Variants in MZT2A observed in about 807,000 individuals in gnomAD.
MZT2A encodes mitotic spindle organizing protein 2A.
Under a neutral mutation model 12.4 loss-of-function variants are expected in MZT2A, and 8 were observed. The observed-to-expected ratio is 0.64, with a 90% CI of 0.38 to 1.16. The LOEUF (loss-of-function observed/expected upper bound fraction) is 1.16, where lower values mean the gene tolerates loss of function less well. Ranked by LOEUF, MZT2A falls within the 50% of genes most tolerant of loss-of-function variation. The probability of loss-of-function intolerance (pLI) is 0.01; values close to 1 mark genes in which losing one functional copy is unlikely to be tolerated. For missense variants in MZT2A, 181 were observed against 223.6 expected (o/e 0.81, Z 1.22); for synonymous variants, 88 against 107.5 (o/e 0.82, Z 1.12).
intron 2 of MZT2A, among the ~76,000 whole-genome samples, chr2:131,484,499 A>G (rs1362407043): frequency 6.6e-6 from 1 of 152,258 alleles, no homozygotes; most frequent in African/African-American, 2.4e-5. Context: ...GAAAGGACAC[A>G]TGCCACGGGC....
chr2:131,491,327 G>A lies in MZT2A; in HGVS notation c.319+549C>T, dbSNP rs1573877395. On this transcript the variant is annotated intron_variant, in intron 2 of 2. Transcript: ENST00000309451. ...TAACTCTCTTCCTGCAATCATCAGAGGCAGGAACTGGGCCCAGGTGGGGTA... is the reference window on the plus strand; with the variant it reads ...TAACTCTCTTCCTGCAATCATCAGAAGCAGGAACTGGGCCCAGGTGGGGTA... 2 of 284,862 alleles carry A rather than the reference G, an allele frequency of 7.0e-6. 1 individual carries two copies. The allele number at this position is 284,862 out of a possible 1,614,324, so 17.6% of individuals were successfully genotyped here.
upstream of MZT2A, chr2:131,493,269 G>A (rs1272149738): frequency 5.2e-6 from 7 of 1,334,644 alleles, no homozygotes; most frequent in African/African-American, 9.3e-5. Flanking sequence ...TGCCCAGGCC[G>A]GGCAGGCTGG....
At chr2:131,474,720 C>T (rs1314769884) in intron 2 of MZT2A, among the ~76,000 whole-genome samples, 1 of 150,860 alleles carries the variant, frequency 6.6e-6, no homozygotes, top group Admixed American at 6.6e-5. Context: ...CAATAAATAG[C>T]TTACGTTATT....
At chr2:131,492,887 A>C, upstream of MZT2A, 1 of 1,503,608 alleles carries the variant, frequency 6.7e-7, no homozygotes, top group Non-Finnish European at 8.9e-7. Flanking sequence ...AGGCCGCCAC[A>C]ACGCAGGCGC....
Position 131,472,076 on chromosome 2 carries a change from T to G in MZT2A, c.387A>C (p.Thr129=), listed in dbSNP as rs188341302. The change falls in exon 3 of 5, where the codon ACA becomes ACC. Residue 129 remains threonine (T), a synonymous_variant and NMD_transcript_variant. Transcript: ENST00000427024. ...AGAACCGAACTGCCTACCTTGTGCA[T>G]GTCCTCCTTCTCCTGCCACACCATG... The G allele has an allele frequency of 8.7e-4, 1,126 of 1,290,152 alleles. 12 individuals carry two copies. The African/African-American group carries it at 0.016, about 18-fold the overall frequency. The allele number at this position is 1,290,152 out of a possible 1,614,324, so 79.9% of individuals were successfully genotyped here. A position where few individuals can be genotyped will look rare whatever the true frequency, so the allele number is the denominator to read the frequency against.
At chr2:131,482,548 G>A (rs1559352091), downstream of MZT2A, 2 of 1,598,684 alleles carry the variant, frequency 1.3e-6, no homozygotes, top group Non-Finnish European at 1.7e-6. Flanking sequence ...CCCTTCTCTG[G>A]CAGGTGGGCA....
intron 2 of MZT2A, among the ~76,000 whole-genome samples, chr2:131,475,231 A>G (rs149054661): frequency 0.17 from 25,823 of 150,684 alleles, 4,026 homozygotes; most frequent in African/African-American, 0.42. Flanking sequence ...TCCTCCTGCC[A>G]TGGCCTCCCA....
chr2:131,476,340 G>T, intron 2 of MZT2A: 1 of 1,465,116 alleles, frequency 6.8e-7, no homozygotes, highest in Non-Finnish European at 9.2e-7. Context: ...GGGACAGGAG[G>T]ACACGGGATC....
At chr2:131,479,540 C>T (rs1238430356), downstream of MZT2A, 2 of 1,579,162 alleles carry the variant, frequency 1.3e-6, no homozygotes, top group African/African-American at 1.4e-5. Context: ...ATTTTATCAA[C>T]ACTTAGACCA....
At chr2:131,493,052 C>G (rs925532425), upstream of MZT2A, 11 of 1,491,408 alleles carry the variant, frequency 7.4e-6, no homozygotes, top group Admixed American at 2.3e-4. Flanking sequence ...CGGGGCGTGG[C>G]TCTGCGCGCA....
chr2:131,480,916 T>G (rs555606320), downstream of MZT2A, among the ~76,000 whole-genome samples: 17 of 152,152 alleles, frequency 1.1e-4, no homozygotes, highest in South Asian at 8.3e-4. Flanking sequence ...ATTTCTTTTT[T>G]TTTTTTTGAG....
chr2:131,478,348 C>T (rs758405266), intron 2 of MZT2A: 24 of 1,613,920 alleles, frequency 1.5e-5, no homozygotes, highest in Non-Finnish European at 2.0e-5. Flanking sequence ...AAGCACGTGC[C>T]CAGAGCAGTG....
At chr2:131,481,256 T>C (rs1359544235), downstream of MZT2A, among the ~76,000 whole-genome samples, 2 of 151,652 alleles carry the variant, frequency 1.3e-5, no homozygotes, top group Non-Finnish European at 2.9e-5. Context: ...ATATCTGTGG[T>C]GAGCTTTATT....
chr2:131,492,226 T>C lies in MZT2A; in HGVS notation c.151A>G (p.Ile51Val), dbSNP rs1679352804. The C allele has an allele frequency of 1.9e-6, 3 of 1,582,760 alleles. No individual in the cohort carries two copies. Among genetic ancestry groups the C allele is most frequent in the Non-Finnish European group, 1.7e-6 (2 of 1,170,132 alleles). Residue 51 changes from isoleucine (I) to valine (V), a missense_variant, in exon 1 of 3, where the codon ATC becomes GTC. Ile to Val is a conservative substitution (Grantham distance 29, BLOSUM62 3). Around this residue, in one of 3 missense-constraint regions of MZT2A, gnomAD observed 106 missense variants for 127.2 expected, o/e 0.83. Coordinates refer to ENST00000309451, the MANE Select transcript of MZT2A (RefSeq NM_001085365.2). ...GCTCACTTGAACACGTCGGGGTCGA[T>C]ACCGCCGCCCGCCGCCTGAGCCAGC... ...YELAQAAGGG[I>V]DPDVFKILVD...
At chr2:131,492,501 C>CGGGAGCAA (rs1679381377), upstream of MZT2A, 6 of 1,103,836 alleles carry the variant, frequency 5.4e-6, no homozygotes, top group Non-Finnish European at 6.6e-6. Flanking sequence ...GGCGGGAGCG[C>CGGGAGCAA]GGGGACGGGG....
rs997033513 is a variant in MZT2A, at chr2:131,492,312, CGGGCCGCCTCCAGCCCCG to C, written c.47_64del (p.Pro16_Ala21del). ...CTTGCGCCGCAGCGCCAGCTTCTGC[CGGGCCGCCTCCAGCCCCG>C]GGGGCGCCGCCGACCCCGGCCCAGG... is the stretch of plus-strand genomic sequence containing the variant. On this transcript the variant is annotated inframe_deletion, in exon 1 of 3. Coordinates refer to ENST00000309451, the MANE Select transcript of MZT2A (RefSeq NM_001085365.2). 3.9e-6 allele frequency: 6 copies of C among 1,532,216 alleles called. No homozygotes were observed. Among genetic ancestry groups the C allele is most frequent in the African/African-American group, 2.8e-5 (2 of 70,684 alleles). The allele number at this position is 1,532,216 out of a possible 1,614,324, so 94.9% of individuals were successfully genotyped here.
rs772684160 is a variant in MZT2A, at chr2:131,478,257, G to A, written c.279-6075C>T. ...CTGCCTTGAACATGGAATTCAGCCC[G>A]ATGGCCAAATGCCAAGTGATAAAAC... On this transcript the variant is annotated intron_variant and NMD_transcript_variant, in intron 2 of 4. Coordinates refer to the MZT2A transcript ENST00000427024. The A allele has an allele frequency of 2.0e-5, 33 of 1,613,920 alleles. No individual in the cohort carries two copies. The East Asian group carries it at 5.1e-4, about 25-fold the overall frequency.
At chr2:131,492,474 G>T (rs1471075484), upstream of MZT2A, 2 of 1,155,018 alleles carry the variant, frequency 1.7e-6, no homozygotes, top group Non-Finnish European at 2.1e-6. Context: ...GGCCTCCCGG[G>T]CTGCCCTGGC....
chr2:131,477,418 G>A (rs1269134319), intron 2 of MZT2A, among the ~76,000 whole-genome samples: 3 of 152,176 alleles, frequency 2.0e-5, no homozygotes, highest in Non-Finnish European at 2.9e-5. Flanking sequence ...GCTTCAAGGG[G>A]TAGAGAGAGG....
Sources: gnomAD v4.1 joint callset for allele counts (sites outside exome capture counted in the v4.1 genomes callset) on GRCh38, gnomAD v4.1.1 for gene constraint, gnomAD v4.1.1 regional missense constraint, MANE v1.5 for transcripts, NCBI Gene and HGNC (gene_info 2026-07-23, HGNC 2026-07-21) for gene names.